Variants in PTPRO observed in about 807,000 individuals in gnomAD.
PTPRO encodes the protein receptor-type tyrosine-protein phosphatase O.
PTPRO carries 62 observed loss-of-function variants against 145.2 expected under a neutral mutation model. The ratio of observed to expected loss-of-function variants is 0.43; its 90% CI spans 0.35 to 0.53. The LOEUF is 0.53. Among genes scored for constraint, PTPRO ranks in the 20% least tolerant of loss-of-function variants. The pLI is 0.01. For synonymous variants in PTPRO, 565 were observed against 514.7 expected (o/e 1.10, Z -1.32); for missense variants, 1,345 against 1,482.7 (o/e 0.91, Z 1.53).
chr12:15,515,503 C>T lies in PTPRO; in HGVS notation c.1470C>T (p.Asn490=), dbSNP rs1942558361. The T allele has an allele frequency of 6.2e-7, 1 of 1,613,772 alleles. No homozygotes were observed. The highest frequency in any genetic ancestry group is 8.5e-7 in the Non-Finnish European group (1 of 1,179,882). ...ATTGGGTGTTTGGTTTAAAGGTGAA[C>T]TCAAGCAAACCTATTATTGAAAATC... ...RLEKQYCTQV[N]SSKPIIENLV... is the part of the protein sequence containing the mutation. Residue 490 remains asparagine, a synonymous_variant, in exon 8 of 27, where the codon AAC becomes AAT. Transcript: ENST00000281171.
At chr12:15,458,077 G>A (rs1168379670) in intron 1 of PTPRO, among the ~76,000 whole-genome samples, 1 of 152,050 alleles carries the variant, frequency 6.6e-6, no homozygotes, top group African/African-American at 2.4e-5. Flanking sequence ...TGTTTCTTTG[G>A]GAAAGTCATT....
At chr12:15,443,927 G>A (rs1940836047) in intron 1 of PTPRO, among the ~76,000 whole-genome samples, 1 of 151,782 alleles carries the variant, frequency 6.6e-6, no homozygotes. Flanking sequence ...AAGTAGTTTT[G>A]AGATTTCTCA....
intron 1 of PTPRO, among the ~76,000 whole-genome samples, chr12:15,436,229 G>A (rs948221518): frequency 1.3e-4 from 20 of 151,962 alleles, no homozygotes; most frequent in African/African-American, 4.8e-4. Flanking sequence ...AGAGAAGCAA[G>A]AGCAAACACA....
chr12:15,495,794 A>T (rs925334698), intron 2 of PTPRO, among the ~76,000 whole-genome samples: 1 of 152,196 alleles, frequency 6.6e-6, no homozygotes, highest in Admixed American at 6.5e-5. Context: ...CAGAAATTTC[A>T]TTGATTATAA....
At chr12:15,593,144 G>A (rs1944587509) in intron 25 of PTPRO, among the ~76,000 whole-genome samples, 2 of 152,214 alleles carry the variant, frequency 1.3e-5, no homozygotes, top group Non-Finnish European at 2.9e-5. Context: ...ATGACCACAA[G>A]GGGTAGCTCA....
intron 15 of PTPRO, among the ~76,000 whole-genome samples, chr12:15,556,847 A>T: frequency 6.6e-6 from 1 of 152,194 alleles, no homozygotes. Context: ...TATACCCCAA[A>T]TAGTTCAAAT....
chr12:15,542,025 T>G (rs1943191001), intron 12 of PTPRO, among the ~76,000 whole-genome samples: 1 of 151,704 alleles, frequency 6.6e-6, no homozygotes, highest in South Asian at 2.1e-4. Flanking sequence ...AAAAAAATAG[T>G]CACATTCTGA....
chr12:15,381,021 A>G (rs1938845296), intron 1 of PTPRO, among the ~76,000 whole-genome samples: 2 of 152,192 alleles, frequency 1.3e-5, no homozygotes, highest in Non-Finnish European at 1.5e-5. Context: ...AGTTCTTACA[A>G]TATAATAACC....
intron 6 of PTPRO, 45 bp downstream of exon 6, chr12:15,504,114 C>G (rs549513705): frequency 6.5e-7 from 1 of 1,549,458 alleles, no homozygotes; most frequent in Admixed American, 1.7e-5. Flanking sequence ...GGAGCTAGAA[C>G]AATGGAACTG....
intron 2 of PTPRO, among the ~76,000 whole-genome samples, chr12:15,494,561 G>A (rs1303105407): frequency 6.6e-6 from 1 of 152,138 alleles, no homozygotes. Flanking sequence ...GTGATGCTTA[G>A]ACATCAACAG....
intron 13 of PTPRO, 59 bp downstream of exon 13, chr12:15,546,767 G>A (rs1565700007): frequency 6.3e-7 from 1 of 1,588,840 alleles, no homozygotes; most frequent in East Asian, 2.2e-5. Flanking sequence ...AATTATCTGG[G>A]CAAAATAAGA....
rs183847476 is a variant in PTPRO, at chr12:15,415,576, G to A, written c.76-68398G>A. ...ATTTTTTGTATTTTTAGTAGAGACG[G>A]GGTTTCACTCATGTTAGCCAGGATG... On this transcript the variant is annotated intron_variant, in intron 1 of 26. Transcript: ENST00000281171. Among the ~76,000 whole-genome samples, 124 of 149,302 alleles carry A rather than the reference G, an allele frequency of 8.3e-4. 2 individuals are homozygous for A. Among genetic ancestry groups the A allele is most frequent in the South Asian group, 7.3e-3 (35 of 4,808 alleles).
Position 15,598,234 on chromosome 12 carries a change from G to C in PTPRO, c.*2161G>C, listed in dbSNP as rs1475846075. On this transcript the variant is annotated 3_prime_UTR_variant, in exon 27 of 27. Transcript: ENST00000281171. ...TCTTCAGTTTGTAGAGTTTATGATG[G>C]AAAAGGCATCAGTCTGTCAAAAGAC... Among the ~76,000 whole-genome samples the C allele has an allele frequency of 6.6e-6, 1 of 152,162 alleles. No homozygotes were observed. Among genetic ancestry groups the C allele is most frequent in the Non-Finnish European group, 1.5e-5 (1 of 68,036 alleles).
chr12:15,569,658 C>T (rs899177938), intron 19 of PTPRO, among the ~76,000 whole-genome samples, 160 bp downstream of exon 19: 1 of 152,076 alleles, frequency 6.6e-6, no homozygotes, highest in Admixed American at 6.6e-5. Flanking sequence ...GGTTGTCAAT[C>T]CTTGCTTAGT....
intron 24 of PTPRO, 151 bp downstream of exon 24, chr12:15,587,202 A>AT (rs1591773150): frequency 1.2e-6 from 1 of 847,786 alleles, no homozygotes. Flanking sequence ...GTCTCACTAT[A>AT]TACAATGTTT....
intron 15 of PTPRO, among the ~76,000 whole-genome samples, chr12:15,554,084 C>T (rs1428110348): frequency 1.3e-5 from 2 of 152,160 alleles, no homozygotes; most frequent in African/African-American, 4.8e-5. Flanking sequence ...ATCCCAGCTA[C>T]TCAGGAGGCT....
At chr12:15,343,031 T>C (rs184957738) in intron 1 of PTPRO, among the ~76,000 whole-genome samples, 2 of 152,298 alleles carry the variant, frequency 1.3e-5, no homozygotes, top group East Asian at 1.9e-4. Context: ...AAATTACTTA[T>C]CTAATTTTAT....
intron 2 of PTPRO, among the ~76,000 whole-genome samples, chr12:15,493,882 A>G (rs1242613210): frequency 6.6e-6 from 1 of 152,214 alleles, no homozygotes; most frequent in Non-Finnish European, 1.5e-5. Context: ...TACTAAAAGA[A>G]TAACAGGTAT....
rs1302181990 is a variant in PTPRO at position 15,596,895 on chromosome 12, ACT to A, written c.*825_*826del. 6.6e-6 allele frequency: 1 copy of A among 152,390 alleles called. No individual in the cohort carries two copies. The highest frequency in any genetic ancestry group is 2.4e-5 in the African/African-American group (1 of 41,334). The allele number at this position is 152,390 out of a possible 1,614,324, so 9.4% of individuals were successfully genotyped here. ...AAGAGTGTCAAGTTGGACTCTTTGA[ACT>A]CTGTTGCTGTCTGAGCAATCGTGGT... On this transcript the variant is annotated 3_prime_UTR_variant, in exon 27 of 27. Transcript: ENST00000281171.
Sources: gnomAD v4.1 joint callset for allele counts (sites outside exome capture counted in the v4.1 genomes callset) on GRCh38, gnomAD v4.1.1 for gene constraint, MANE v1.5 for transcripts, NCBI Gene and HGNC (gene_info 2026-07-23, HGNC 2026-07-21) for gene names.